Variants in PPARGC1A observed in about 807,000 individuals in gnomAD.
PPARGC1A encodes peroxisome proliferator-activated receptor gamma coactivator 1-alpha.
Under a neutral mutation model 88.7 loss-of-function variants are expected in PPARGC1A, and 25 were observed. That is an observed-to-expected ratio of 0.28 (90% CI 0.21 to 0.39). The LOEUF (loss-of-function observed/expected upper bound fraction) is 0.39, where lower values mean the gene tolerates loss of function less well. Ranked by LOEUF, PPARGC1A falls within the 10% of genes least tolerant of loss-of-function variation. The probability of loss-of-function intolerance (pLI) is 1.00; values close to 1 mark genes in which losing one functional copy is unlikely to be tolerated. For synonymous variants in PPARGC1A, 363 were observed against 355.6 expected (o/e 1.02, Z -0.24); for missense variants, 880 against 968.7 (o/e 0.91, Z 1.22).
the PPARGC1A span, among the ~76,000 whole-genome samples, chr4:24,044,562 A>T: frequency 6.6e-6 from 1 of 152,268 alleles, no homozygotes; most frequent in African/African-American, 2.4e-5. Context: ...CTGCCAAAAG[A>T]TGGCGTCTTT....
chr4:24,016,965 A>G, the PPARGC1A span, among the ~76,000 whole-genome samples: 1 of 152,090 alleles, frequency 6.6e-6, no homozygotes, highest in Non-Finnish European at 1.5e-5. Flanking sequence ...GGGGGTTTCC[A>G]AGAGAGGAAA....
chr4:24,040,991 A>G, the PPARGC1A span, among the ~76,000 whole-genome samples: 11 of 152,144 alleles, frequency 7.2e-5, no homozygotes, highest in Admixed American at 7.2e-4. Flanking sequence ...ACTATTTCTA[A>G]ACTGCTCAAG....
intron 2 of PPARGC1A, among the ~76,000 whole-genome samples, chr4:23,832,173 C>T (rs1335457379): frequency 6.6e-6 from 1 of 152,104 alleles, no homozygotes; most frequent in Non-Finnish European, 1.5e-5. Flanking sequence ...ACAGCATACC[C>T]CCCAAACTGT....
chr4:24,179,208 G>T, the PPARGC1A span, among the ~76,000 whole-genome samples: 1 of 152,108 alleles, frequency 6.6e-6, no homozygotes, highest in Admixed American at 6.6e-5. Context: ...AGAACACCAA[G>T]ACCTGCAAAA....
chr4:24,456,238 C>T, the PPARGC1A span, among the ~76,000 whole-genome samples: 1 of 152,078 alleles, frequency 6.6e-6, no homozygotes, highest in Admixed American at 6.5e-5. Flanking sequence ...CATTGAAGTC[C>T]TGGAGAGGAT....
chr4:24,293,208 C>T, the PPARGC1A span, among the ~76,000 whole-genome samples: 2 of 4,960 alleles, frequency 4.0e-4, no homozygotes, highest in Non-Finnish European at 4.3e-4. Flanking sequence ...CCTACCCCTT[C>T]ACCCCCACCC....
intron 7 of PPARGC1A, among the ~76,000 whole-genome samples, chr4:23,822,159 C>A (rs967421230): frequency 1.3e-5 from 2 of 152,018 alleles, no homozygotes; most frequent in African/African-American, 4.8e-5. Flanking sequence ...TCAAAAGATC[C>A]AGGAGGGAAA....
the PPARGC1A span, among the ~76,000 whole-genome samples, chr4:24,141,191 C>T: frequency 2.0e-5 from 3 of 152,170 alleles, no homozygotes; most frequent in African/African-American, 4.8e-5. Flanking sequence ...ATAACTAAGA[C>T]AAAATGATGC....
chr4:23,977,861 T>C, the PPARGC1A span, among the ~76,000 whole-genome samples: 1 of 152,214 alleles, frequency 6.6e-6, no homozygotes, highest in South Asian at 2.1e-4. Flanking sequence ...AAAAACTAAA[T>C]GTTTTTCAAG....
the PPARGC1A span, among the ~76,000 whole-genome samples, chr4:23,979,419 T>C: frequency 6.6e-6 from 1 of 152,330 alleles, no homozygotes; most frequent in Admixed American, 6.5e-5. Context: ...GGCTTCTGCA[T>C]CTACATGGTT....
At chr4:24,193,322 T>A in the PPARGC1A span, among the ~76,000 whole-genome samples, 1 of 152,192 alleles carries the variant, frequency 6.6e-6, no homozygotes. Flanking sequence ...CACAGTAACA[T>A]GGAGTGGTAC....
At chr4:23,947,352 G>GATTGATATATATAT in the PPARGC1A span, among the ~76,000 whole-genome samples, 4 of 75,818 alleles carry the variant, frequency 5.3e-5, no homozygotes, top group African/African-American at 2.4e-4. Context: ...GTTATATAGT[G>GATTGATATATATAT]ATATATATAT....
At chr4:23,936,797 G>A in the PPARGC1A span, among the ~76,000 whole-genome samples, 3 of 152,232 alleles carry the variant, frequency 2.0e-5, no homozygotes, top group East Asian at 5.8e-4. Flanking sequence ...CTTGAACTGG[G>A]AGATGGAGGT....
chr4:24,269,661 T>TC, the PPARGC1A span, among the ~76,000 whole-genome samples: 185 of 148,960 alleles, frequency 1.2e-3, 1 homozygote, highest in Non-Finnish European at 1.4e-3. Flanking sequence ...CACACTTTAT[T>TC]ATCATCATCA....
the PPARGC1A span, among the ~76,000 whole-genome samples, chr4:23,929,094 A>G: frequency 6.6e-6 from 1 of 152,084 alleles, no homozygotes; most frequent in African/African-American, 2.4e-5. Flanking sequence ...TACCTATGTA[A>G]CAAACCTACA....
rs548612085 is a variant in PPARGC1A at position 23,878,936 on chromosome 4, A to C, written c.234+5816T>G. Among the ~76,000 whole-genome samples the C allele has an allele frequency of 6.2e-4, 94 of 152,318 alleles. 1 individual carries two copies. Among genetic ancestry groups the C allele is most frequent in the African/African-American group, 2.1e-3 (87 of 41,568 alleles). ...CAATGTTCTTATGTTACAGCCAATT[A>C]TCTCTCCACTTAAATGGCTATTATT... On this transcript the variant is annotated intron_variant, in intron 2 of 12. Coordinates refer to ENST00000264867, the MANE Select transcript of PPARGC1A (RefSeq NM_013261.5).
chr4:24,113,085 C>T, the PPARGC1A span, among the ~76,000 whole-genome samples: 7 of 152,296 alleles, frequency 4.6e-5, no homozygotes, highest in East Asian at 1.3e-3. Flanking sequence ...CTTCCAGGTA[C>T]ACACTTTCTT....
At chr4:24,264,927 T>G in the PPARGC1A span, among the ~76,000 whole-genome samples, 1 of 152,160 alleles carries the variant, frequency 6.6e-6, no homozygotes, top group Non-Finnish European at 1.5e-5. Flanking sequence ...AACAAAGAAG[T>G]GAGGTAGCAC....
the PPARGC1A span, among the ~76,000 whole-genome samples, chr4:24,275,300 ACTT>A: frequency 6.6e-6 from 1 of 152,180 alleles, no homozygotes; most frequent in African/African-American, 2.4e-5. Flanking sequence ...ACTTCCATCT[ACTT>A]CTAATTCTGT....
Sources: allele counts gnomAD v4.1 joint callset (sites outside exome capture counted in the v4.1 genomes callset), GRCh38; gene constraint gnomAD v4.1.1; transcripts MANE v1.5; gene names NCBI Gene and HGNC (gene_info 2026-07-23, HGNC 2026-07-21).